The following CCDC77 variants were observed in gnomAD, a reference collection of about 807,000 sequenced individuals.
The protein encoded by CCDC77 is coiled-coil domain-containing protein 77.
Under a neutral mutation model 66.8 loss-of-function variants are expected in CCDC77, and 56 were observed. The observed-to-expected ratio is 0.84, with a 90% CI of 0.68 to 1.05. The LOEUF (loss-of-function observed/expected upper bound fraction) is 1.05. Ranked by LOEUF, CCDC77 falls within the 50% of genes least tolerant of loss-of-function variation. CCDC77 has a pLI of 0.00. For missense variants in CCDC77, 570 were observed against 576.8 expected (o/e 0.99, Z 0.12); for synonymous variants, 196 against 195.2 (o/e 1.00, Z -0.03).
At chr12:412,043 A>G in intron 4 of CCDC77, 65 bp downstream of exon 4, 1 of 1,180,370 alleles carries the variant, frequency 8.5e-7, no homozygotes, top group Non-Finnish European at 1.2e-6. Context: ...GATGCCCTAC[A>G]AGTGCCAGTT....
intron 1 of CCDC77, among the ~76,000 whole-genome samples, chr12:402,682 T>G (rs574478817): frequency 6.6e-6 from 1 of 152,240 alleles, no homozygotes; most frequent in Non-Finnish European, 1.5e-5. Flanking sequence ...TACTGATGTA[T>G]TTTATTAAAG....
At chr12:393,991 A>G (rs972022046) in intron 1 of CCDC77, among the ~76,000 whole-genome samples, 1 of 152,220 alleles carries the variant, frequency 6.6e-6, no homozygotes, top group African/African-American at 2.4e-5. Context: ...ATCACCATCA[A>G]TTTATCAGGC....
chr12:436,735 T>C lies in CCDC77; in HGVS notation c.822-1600T>C, dbSNP rs138237849. ...TACCAGTAACCTTCCTTGTTTAGCG[T>C]TATCTGCATATCTGAGCACATGATC... On this transcript the variant is annotated intron_variant, in intron 9 of 12. Coordinates refer to ENST00000239830, the MANE Select transcript of CCDC77 (RefSeq NM_032358.4). The C allele has an allele frequency of 8.5e-3, 8,369 of 980,978 alleles. 48 individuals carry two copies. Among genetic ancestry groups the C allele is most frequent in the Middle Eastern group, 0.015 (29 of 1,906 alleles). The allele number at this position is 980,978 out of a possible 1,614,324, so 60.8% of individuals were successfully genotyped here.
chr12:423,923 G>A (rs1470955235), intron 5 of CCDC77, among the ~76,000 whole-genome samples: 4 of 152,110 alleles, frequency 2.6e-5, no homozygotes, highest in Non-Finnish European at 5.9e-5. Flanking sequence ...TTGGAGAAAT[G>A]TCTATTCAAA....
chr12:419,577 C>G (rs1395327931), intron 5 of CCDC77, among the ~76,000 whole-genome samples: 1 of 90,786 alleles, frequency 1.1e-5, no homozygotes, highest in Non-Finnish European at 2.4e-5. Context: ...CAGTGCTCTT[C>G]TGTGTGTGTG....
intron 2 of CCDC77, among the ~76,000 whole-genome samples, chr12:408,471 A>G (rs1014550522): frequency 3.3e-5 from 5 of 152,164 alleles, no homozygotes; most frequent in African/African-American, 1.2e-4. Context: ...CAGTGGCTTT[A>G]TATTCATTTT....
intron 9 of CCDC77, among the ~76,000 whole-genome samples, chr12:434,212 G>A (rs1366574457): frequency 6.6e-6 from 1 of 151,780 alleles, no homozygotes; most frequent in Non-Finnish European, 1.5e-5. Context: ...ACAAAAAATG[G>A]CAAACTCTGT....
At position 416,357 on chromosome 12, in the gene CCDC77, G is replaced by GTATATA. The variant is rs1309603806; in HGVS notation, c.271-2136_271-2135insATATAT. On this transcript the variant is annotated intron_variant, in intron 4 of 12. Transcript: ENST00000239830. ...TGGGTGTGTGGGGGTGTGTGTGTGTGTGTGTGTGTGTGTGTGTGTGTATAT... is the reference window on the plus strand; with the variant it reads ...TGGGTGTGTGGGGGTGTGTGTGTGTGTATATATGTGTGTGTGTGTGTGTGTGTATAT... 3.2e-3 allele frequency among the ~76,000 whole-genome samples: 126 copies of GTATATA among 39,820 alleles called. 7 individuals carry two copies. The Middle Eastern group carries it at 0.045, about 14-fold the overall frequency. The allele number at this position is 39,820 out of a possible 152,430, so 26.1% of individuals were successfully genotyped here.
intron 5 of CCDC77, among the ~76,000 whole-genome samples, chr12:423,306 ATAT>A (rs1565572012): frequency 1.6e-5 from 2 of 122,636 alleles, no homozygotes; most frequent in African/African-American, 6.8e-5. Flanking sequence ...ATATATATAT[ATAT>A]TTTTTTTTTT....
chr12:412,699 C>T (rs1380698644), intron 4 of CCDC77, among the ~76,000 whole-genome samples: 2 of 152,186 alleles, frequency 1.3e-5, no homozygotes, highest in Non-Finnish European at 2.9e-5. Context: ...GTAGAAAGGT[C>T]ACAAATCAGT....
At chr12:416,359 G>A (rs1172943994) in intron 4 of CCDC77, among the ~76,000 whole-genome samples, 1,227 of 43,258 alleles carry the variant, frequency 0.028, 90 homozygotes, top group East Asian at 0.18. Context: ...GTGTGTGTGT[G>A]TGTGTGTGTG....
At chr12:409,581 ATCATTGCTCATTGCAGCC>A (rs1591964343) in intron 3 of CCDC77, 160 bp downstream of exon 3, 13 of 647,324 alleles carry the variant, frequency 2.0e-5, no homozygotes, top group Non-Finnish European at 3.5e-5. Context: ...CAGTGGTGCA[ATCATTGCTCATTGCAGCC>A]TTGACCTCCT....
chr12:426,953 A>C (rs181723886), intron 5 of CCDC77, among the ~76,000 whole-genome samples: 18 of 152,108 alleles, frequency 1.2e-4, no homozygotes, highest in African/African-American at 4.3e-4. Flanking sequence ...TTCTTTAGGT[A>C]ATTGTCTCTA....
intron 6 of CCDC77, among the ~76,000 whole-genome samples, chr12:430,210 C>T (rs942500519): frequency 6.6e-5 from 10 of 151,988 alleles, no homozygotes; most frequent in Admixed American, 2.0e-4. Context: ...TTAGGCTGGT[C>T]TTGAACTCCC....
intron 10 of CCDC77, among the ~76,000 whole-genome samples, chr12:439,572 A>C (rs1257615028): frequency 6.6e-6 from 1 of 151,460 alleles, no homozygotes; most frequent in Admixed American, 6.6e-5. Flanking sequence ...CGAGGTCAGG[A>C]GTTCGAGAGC....
chr12:401,449 A>C (rs746290973), upstream of CCDC77: 2 of 152,268 alleles, frequency 1.3e-5, no homozygotes, highest in African/African-American at 4.8e-5. Flanking sequence ...GCAGAGCTCC[A>C]GGCAGAAGAA....
rs192813210 is a variant in CCDC77 at position 428,949 on chromosome 12, G to A, written c.510+84G>A. The A allele has an allele frequency of 1.9e-3, 1,442 of 758,434 alleles. 15 individuals carry two copies. The African/African-American group carries it at 0.023, about 12-fold the overall frequency. The allele number at this position is 758,434 out of a possible 1,614,324, so 47.0% of individuals were successfully genotyped here. A position where few individuals can be genotyped will look rare whatever the true frequency, so the allele number is the denominator to read the frequency against. On this transcript the variant is annotated intron_variant, in intron 6 of 12. Transcript: ENST00000239830. ...CATCATCAGAAGAACTTTAGTATCC[G>A]CTGGAGAAGGCAGATGGAGAATTAG...
chr12:439,220 T>C (rs559235301), intron 10 of CCDC77, among the ~76,000 whole-genome samples: 1 of 152,000 alleles, frequency 6.6e-6, no homozygotes, highest in South Asian at 2.1e-4. Context: ...AGCAAATAAC[T>C]AAGAAAATTA....
At chr12:400,083 C>G (rs1157760248), upstream of CCDC77, among the ~76,000 whole-genome samples, 1 of 152,270 alleles carries the variant, frequency 6.6e-6, no homozygotes, top group African/African-American at 2.4e-5. Flanking sequence ...GCTGCTTCCA[C>G]CTTGCACTTT....
Sources: allele counts gnomAD v4.1 joint callset (sites outside exome capture counted in the v4.1 genomes callset), GRCh38; gene constraint gnomAD v4.1.1; transcripts MANE v1.5; gene names NCBI Gene and HGNC (gene_info 2026-07-23, HGNC 2026-07-21).